Variants in HS3ST4 observed in about 807,000 individuals in gnomAD.
The protein encoded by HS3ST4 is heparan sulfate glucosamine 3-O-sulfotransferase 4.
In HS3ST4, 17 loss-of-function variants were observed where a neutral mutation model predicts 29.2. The observed-to-expected ratio is 0.58, with a 90% CI of 0.40 to 0.87. The LOEUF (loss-of-function observed/expected upper bound fraction) is 0.87, where lower values mean the gene tolerates loss of function less well. HS3ST4 is among the 40% of genes least tolerant of loss of function. The probability of loss-of-function intolerance (pLI) is 0.00; values close to 1 mark genes in which losing one functional copy is unlikely to be tolerated. For missense variants in HS3ST4, 627 were observed against 634.5 expected, an observed-to-expected ratio of 0.99 and a Z score of 0.13; for synonymous variants, 314 against 285.7, an observed-to-expected ratio of 1.10 and a Z score of -1.00.
chr16:26,042,482 A>G (rs2141759541), intron 1 of HS3ST4, among the ~76,000 whole-genome samples: 2 of 152,124 alleles, frequency 1.3e-5, no homozygotes, highest in Middle Eastern at 6.8e-3. Flanking sequence ...TTTAACATCC[A>G]TTATTTCTCT....
chr16:25,925,378 C>T (rs1057279504), intron 1 of HS3ST4, among the ~76,000 whole-genome samples: 1 of 152,058 alleles, frequency 6.6e-6, no homozygotes, highest in Non-Finnish European at 1.5e-5. Flanking sequence ...CGGAAAGGTG[C>T]TGCTTTTGGC....
chr16:26,085,627 T>A (rs2141785723), intron 1 of HS3ST4, among the ~76,000 whole-genome samples: 1 of 152,222 alleles, frequency 6.6e-6, no homozygotes, highest in South Asian at 2.1e-4. Flanking sequence ...TCCCAATGTT[T>A]TGGGAGGCCC....
intron 1 of HS3ST4, among the ~76,000 whole-genome samples, chr16:25,978,919 T>G (rs1051903500): frequency 1.1e-4 from 17 of 149,382 alleles, no homozygotes; most frequent in Non-Finnish European, 4.4e-5. Context: ...AAATGCCATC[T>G]TTGACTTGTT....
chr16:25,751,339 C>T (rs1966718644), intron 1 of HS3ST4, among the ~76,000 whole-genome samples: 1 of 152,072 alleles, frequency 6.6e-6, no homozygotes, highest in Non-Finnish European at 1.5e-5. Flanking sequence ...TCCATACACT[C>T]CTATTATGGA....
chr16:26,006,868 G>A (rs72778343), intron 1 of HS3ST4, among the ~76,000 whole-genome samples: 17,241 of 152,176 alleles, frequency 0.11, 1,172 homozygotes, highest in South Asian at 0.17. Context: ...CTTTACAAAC[G>A]TGGTTCAGTT....
At chr16:25,923,636 GT>G in intron 1 of HS3ST4, among the ~76,000 whole-genome samples, 1 of 152,268 alleles carries the variant, frequency 6.6e-6, no homozygotes. Flanking sequence ...GTGTGTGTGT[GT>G]GCATGTGTGA....
At chr16:25,901,862 A>G (rs1473194502) in intron 1 of HS3ST4, among the ~76,000 whole-genome samples, 1 of 152,176 alleles carries the variant, frequency 6.6e-6, no homozygotes, top group African/African-American at 2.4e-5. Flanking sequence ...AAAAACTGGC[A>G]AGGCAGGGCC....
chr16:25,958,219 C>A lies in HS3ST4; in HGVS notation c.735-177393C>A, dbSNP rs537214380. Among the ~76,000 whole-genome samples, 9 of 152,296 alleles carry A rather than the reference C, an allele frequency of 5.9e-5. No homozygotes were observed. In the South Asian group the frequency reaches 1.9e-3, roughly 32 times the overall value. ...TGTTATAAGGCAGATGCCATGGAAA[C>A]TTTGGTTATCTTTGCTGCGTAAGAA... On this transcript the variant is annotated intron_variant, in intron 1 of 1. Transcript: ENST00000331351.
At chr16:26,049,686 G>A (rs1174207158) in intron 1 of HS3ST4, among the ~76,000 whole-genome samples, 8 of 152,212 alleles carry the variant, frequency 5.3e-5, no homozygotes, top group Admixed American at 2.0e-4. Flanking sequence ...TCTACCTGGA[G>A]ATAGCGTCAG....
intron 1 of HS3ST4, among the ~76,000 whole-genome samples, chr16:25,936,150 G>A (rs1375942256): frequency 6.6e-6 from 1 of 152,184 alleles, no homozygotes; most frequent in Non-Finnish European, 1.5e-5. Flanking sequence ...AGAAAGGGAT[G>A]TATTTAGGTG....
intron 1 of HS3ST4, among the ~76,000 whole-genome samples, chr16:25,767,719 C>G (rs139385881): frequency 2.0e-5 from 3 of 152,002 alleles, no homozygotes; most frequent in Non-Finnish European, 4.4e-5. Context: ...ACTCTGTGCT[C>G]GAGTACTCAG....
chr16:26,000,884 A>G (rs977833024), intron 1 of HS3ST4, among the ~76,000 whole-genome samples: 4 of 152,212 alleles, frequency 2.6e-5, no homozygotes, highest in Non-Finnish European at 2.9e-5. Context: ...AAAACATCAG[A>G]TGAACCCCAG....
chr16:26,029,729 C>G (rs560952199), intron 1 of HS3ST4, among the ~76,000 whole-genome samples: 1 of 152,282 alleles, frequency 6.6e-6, no homozygotes, highest in Non-Finnish European at 1.5e-5. Flanking sequence ...GTTCTTTCTA[C>G]CTGGGAGAGC....
rs79226603 is a variant in HS3ST4 at position 26,021,657 on chromosome 16, CTAT to C, written c.735-113935_735-113933del. On this transcript the variant is annotated intron_variant, in intron 1 of 1. Coordinates refer to ENST00000331351, the MANE Select transcript of HS3ST4 (RefSeq NM_006040.3). ...CCTCTAAGCACTTCCAATCTAAGTT[CTAT>C]TATTATTATTATTATTATTTTTGAG... 1.1e-4 allele frequency among the ~76,000 whole-genome samples: 16 copies of C among 151,466 alleles called. No homozygotes were observed. In the South Asian group the frequency reaches 1.3e-3, roughly 12 times the overall value.
intron 1 of HS3ST4, among the ~76,000 whole-genome samples, chr16:25,997,461 C>T (rs1313256905): frequency 2.6e-5 from 4 of 152,124 alleles, no homozygotes; most frequent in Non-Finnish European, 5.9e-5. Context: ...TATAGATTCA[C>T]GTAACTGAAA....
intron 1 of HS3ST4, among the ~76,000 whole-genome samples, chr16:25,898,101 T>TCC (rs1171442102): frequency 6.6e-6 from 1 of 152,184 alleles, no homozygotes; most frequent in Non-Finnish European, 1.5e-5. Flanking sequence ...CCGGCCTCTG[T>TCC]CCCATGGAGA....
At chr16:26,063,361 A>T (rs903403525) in intron 1 of HS3ST4, among the ~76,000 whole-genome samples, 6 of 151,994 alleles carry the variant, frequency 3.9e-5, no homozygotes, top group Non-Finnish European at 8.8e-5. Context: ...AGCAAATGAG[A>T]CCATGCTCAG....
intron 1 of HS3ST4, among the ~76,000 whole-genome samples, chr16:25,814,535 C>T (rs965325561): frequency 8.5e-5 from 13 of 152,226 alleles, no homozygotes; most frequent in Non-Finnish European, 1.6e-4. Context: ...TTAGTAGAGA[C>T]GGAGTTTCAC....
At chr16:25,746,507 C>T (rs913120932) in intron 1 of HS3ST4, among the ~76,000 whole-genome samples, 6 of 150,308 alleles carry the variant, frequency 4.0e-5, no homozygotes, top group African/African-American at 1.2e-4. Flanking sequence ...AGAAAGAAGG[C>T]GATAAAACTT....
Sources: gnomAD v4.1 joint callset for allele counts (sites outside exome capture counted in the v4.1 genomes callset) on GRCh38, gnomAD v4.1.1 for gene constraint, MANE v1.5 for transcripts, NCBI Gene and HGNC (gene_info 2026-07-23, HGNC 2026-07-21) for gene names.